FRAS1: variants seen among roughly 807,000 people sequenced by gnomAD.
FRAS1 encodes the protein extracellular matrix organizing protein FRAS1.
A neutral mutation model predicts 435.2 loss-of-function variants in FRAS1; 290 were observed. That is an observed-to-expected ratio of 0.67 (90% confidence interval 0.61 to 0.73). The LOEUF (loss-of-function observed/expected upper bound fraction) is 0.73. Ranked by LOEUF, FRAS1 falls within the 30% of genes least tolerant of loss-of-function variation. The pLI, the probability that FRAS1 is intolerant of heterozygous loss-of-function variation, is 0.00. For missense variants in FRAS1, 4,860 were observed against 5,001.5 expected (o/e 0.97, Z 0.85); for synonymous variants, 1,800 against 1,851.0 (o/e 0.97, Z 0.71).
At chr4:78,340,723 T>A (rs1490149265) in intron 20 of FRAS1, among the ~76,000 whole-genome samples, 1 of 152,152 alleles carries the variant, frequency 6.6e-6, no homozygotes, top group Non-Finnish European at 1.5e-5. Flanking sequence ...AAGTCCAAGA[T>A]CAAGGTGCCC....
chr4:78,136,535 A>G (rs1487961337), intron 2 of FRAS1, among the ~76,000 whole-genome samples: 1 of 152,202 alleles, frequency 6.6e-6, no homozygotes, highest in Non-Finnish European at 1.5e-5. Flanking sequence ...GAGACTGATA[A>G]TAAGGAAAAT....
intron 2 of FRAS1, among the ~76,000 whole-genome samples, chr4:78,174,714 T>C (rs1174217374): frequency 6.6e-6 from 1 of 152,214 alleles, no homozygotes; most frequent in East Asian, 1.9e-4. Flanking sequence ...ATGACAGGAT[T>C]ATAAATCTTT....
Position 78,450,190 on chromosome 4 carries a change from C to T in FRAS1, c.6314C>T (p.Thr2105Ile). The T allele has an allele frequency of 6.2e-7, 1 of 1,613,784 alleles. No individual in the cohort carries two copies. Among genetic ancestry groups the T allele is most frequent in the Non-Finnish European group, 8.5e-7 (1 of 1,179,754 alleles). The change falls in exon 45 of 74, where the codon ACA (threonine) becomes ATA (isoleucine). Residue 2105 changes from threonine to isoleucine, a missense_variant. Thr to Ile is a moderately conservative substitution (Grantham distance 89, BLOSUM62 -1). Transcript: ENST00000512123. ...ARITEQHLKV[T>I]DIDSDDHQVM... ...ATCACAGAACAGCACTTGAAAGTGA[C>T]AGATATTGACTCAGATGACCATCAG...
chr4:78,185,931 C>T (rs2110057737), intron 2 of FRAS1, among the ~76,000 whole-genome samples: 1 of 152,292 alleles, frequency 6.6e-6, no homozygotes, highest in South Asian at 2.1e-4. Context: ...ATCCTCTTTG[C>T]TGACCCTTTC....
intron 2 of FRAS1, among the ~76,000 whole-genome samples, chr4:78,215,321 A>G (rs1578189291): frequency 6.6e-6 from 1 of 151,862 alleles, no homozygotes; most frequent in Non-Finnish European, 1.5e-5. Context: ...TCAGCCTCCC[A>G]AGTAGCTGGG....
Position 78,060,340 on chromosome 4 carries a change from A to C in FRAS1, c.76+2255A>C, listed in dbSNP as rs541454112. Among the ~76,000 whole-genome samples the C allele has an allele frequency of 1.2e-3, 177 of 152,336 alleles. 2 individuals are homozygous for C. The highest frequency in any genetic ancestry group is 5.6e-3 in the South Asian group (27 of 4,824). On this transcript the variant is annotated intron_variant, in intron 1 of 73. Transcript: ENST00000512123. ...AGTTTTTATTATCAGCCTAGAGAAT[A>C]ATTTTTAAAAATAGAAAAGAGACAT... is the stretch of plus-strand genomic sequence containing the variant.
At position 78,108,926 on chromosome 4, in the gene FRAS1, G is replaced by A. The variant is rs1357036915; in HGVS notation, c.108+42910G>A. On this transcript the variant is annotated intron_variant, in intron 2 of 73. Coordinates refer to ENST00000512123, the MANE Select transcript of FRAS1 (RefSeq NM_025074.7). ...AAATGATAAAGGGGATATCACCACC[G>A]ATCCCACAGAAATACAAACTACCAT... Among the ~76,000 whole-genome samples, 3 of 108,566 alleles carry A rather than the reference G, an allele frequency of 2.8e-5. 1 individual carries two copies. The highest frequency in any genetic ancestry group is 1.8e-5 in the Non-Finnish European group (1 of 54,124). 71.2% of individuals were successfully genotyped at this position (108,566 alleles called of 152,430 possible). A position where few individuals can be genotyped will look rare whatever the true frequency, so the allele number is the denominator to read the frequency against.
intron 2 of FRAS1, among the ~76,000 whole-genome samples, chr4:78,137,993 T>C (rs1041868485): frequency 2.6e-5 from 4 of 152,190 alleles, no homozygotes; most frequent in Admixed American, 2.0e-4. Flanking sequence ...AATAGGTTCA[T>C]GTTATTAGTG....
intron 1 of FRAS1, among the ~76,000 whole-genome samples, chr4:78,060,732 T>G (rs1000173183): frequency 2.6e-5 from 4 of 152,222 alleles, no homozygotes; most frequent in African/African-American, 9.6e-5. Flanking sequence ...ATGAGGTACA[T>G]TACGTGATAG....
At chr4:78,190,084 C>A (rs1250840578) in intron 2 of FRAS1, among the ~76,000 whole-genome samples, 1 of 152,188 alleles carries the variant, frequency 6.6e-6, no homozygotes. Flanking sequence ...TCAGATCAGG[C>A]CCTTTCTTTT....
At chr4:78,379,693 T>C in intron 26 of FRAS1, 33 bp from the exon 27 acceptor site, 1 of 1,589,758 alleles carries the variant, frequency 6.3e-7, no homozygotes, top group South Asian at 1.2e-5. Context: ...GAAGGTACCA[T>C]AAGCTTGACC....
intron 3 of FRAS1, among the ~76,000 whole-genome samples, chr4:78,243,922 G>A (rs566772620): frequency 1.3e-5 from 2 of 152,128 alleles, no homozygotes; most frequent in East Asian, 3.9e-4. Flanking sequence ...TGGAAATTAG[G>A]CTAATGTAGT....
intron 19 of FRAS1, among the ~76,000 whole-genome samples, chr4:78,336,853 C>A (rs991995039): frequency 6.6e-5 from 10 of 152,172 alleles, no homozygotes; most frequent in Admixed American, 1.3e-4. Context: ...CAGAGAAGTT[C>A]TTAAATCTGC....
At chr4:78,089,138 A>C (rs1175181037) in intron 2 of FRAS1, among the ~76,000 whole-genome samples, 1 of 152,198 alleles carries the variant, frequency 6.6e-6, no homozygotes, top group African/African-American at 2.4e-5. Context: ...AGGGACATGG[A>C]TGAAGCTGGA....
intron 2 of FRAS1, among the ~76,000 whole-genome samples, chr4:78,072,542 G>A (rs1039768249): frequency 6.6e-6 from 1 of 152,116 alleles, no homozygotes; most frequent in African/African-American, 2.4e-5. Context: ...CTCCAGCAGT[G>A]GGGAGAATAC....
intron 2 of FRAS1, among the ~76,000 whole-genome samples, chr4:78,171,155 C>T (rs1162198013): frequency 2.6e-5 from 4 of 152,052 alleles, no homozygotes; most frequent in African/African-American, 9.7e-5. Flanking sequence ...TGAACTCTAA[C>T]TTCAGCTGGA....
At chr4:78,219,697 A>G (rs1723964801) in intron 2 of FRAS1, among the ~76,000 whole-genome samples, 2 of 152,324 alleles carry the variant, frequency 1.3e-5, no homozygotes, top group African/African-American at 4.8e-5. Context: ...AGTTTACTTA[A>G]GATGTCAGGA....
At chr4:78,486,659 G>A (rs923268152) in intron 58 of FRAS1, among the ~76,000 whole-genome samples, 53 of 152,170 alleles carry the variant, frequency 3.5e-4, no homozygotes, top group African/African-American at 1.3e-3. Flanking sequence ...TTAACACAAT[G>A]CCTGACTTAC....
At position 78,260,565 on chromosome 4, in the gene FRAS1, CTT is replaced by C. The variant is rs1312797813; in HGVS notation, c.604-4458_604-4457del. ...TGTACATTGATTTTGTATCCTGAGACTTTGCTGAAGTTGCTTATCAGCTTAAG... is the reference window on the plus strand; with the variant it reads ...TGTACATTGATTTTGTATCCTGAGACTGCTGAAGTTGCTTATCAGCTTAAG... On this transcript the variant is annotated intron_variant, in intron 6 of 73. Coordinates refer to ENST00000512123, the MANE Select transcript of FRAS1 (RefSeq NM_025074.7). 4.0e-5 allele frequency among the ~76,000 whole-genome samples: 6 copies of C among 151,772 alleles called. No homozygotes were observed. In the East Asian group the frequency reaches 1.2e-3, roughly 29 times the overall value.
Sources: allele counts gnomAD v4.1 joint callset (sites outside exome capture counted in the v4.1 genomes callset), GRCh38; gene constraint gnomAD v4.1.1; transcripts MANE v1.5; gene names NCBI Gene and HGNC (gene_info 2026-07-23, HGNC 2026-07-21).